CSMD1: variants seen among roughly 807,000 people sequenced by gnomAD.
CSMD1 encodes the protein CUB and Sushi multiple domains 1, also known as CUB and sushi domain-containing protein 1.
CSMD1 carries 213 observed loss-of-function variants against 417.5 expected under a neutral mutation model. The ratio of observed to expected loss-of-function variants is 0.51; its 90% CI spans 0.46 to 0.57. CSMD1 has a LOEUF of 0.57. CSMD1 is among the 20% of genes least tolerant of loss of function. The pLI, the probability that CSMD1 is intolerant of heterozygous loss-of-function variation, is 0.00. For synonymous variants in CSMD1, 2,862 were observed against 1,736.8 expected (o/e 1.65, Z -16.11); for missense variants, 6,923 against 4,529.7 (o/e 1.53, Z -15.17).
At chr8:4,249,987 C>T (rs552847763) in intron 3 of CSMD1, among the ~76,000 whole-genome samples, 88 of 152,066 alleles carry the variant, frequency 5.8e-4, no homozygotes, top group African/African-American at 2.0e-3. Context: ...GGAGCTGGGA[C>T]CTACTGGGAA....
rs144500471 is a variant in CSMD1, at chr8:3,595,842, T to G, written c.1098-9582A>C. Among the ~76,000 whole-genome samples the G allele has an allele frequency of 5.3e-3, 810 of 152,322 alleles. 6 individuals are homozygous for G. The highest frequency in any genetic ancestry group is 9.7e-3 in the South Asian group (47 of 4,826). On this transcript the variant is annotated intron_variant, in intron 8 of 69. Transcript: ENST00000635120. ...CACCTATCTATACAAAGGCAAAAGC[T>G]GTTTGCACACTGTGTGAACGTGGAA...
At chr8:4,072,252 T>A (rs1303302326) in intron 3 of CSMD1, among the ~76,000 whole-genome samples, 1 of 152,200 alleles carries the variant, frequency 6.6e-6, no homozygotes, top group African/African-American at 2.4e-5. Flanking sequence ...TTGAATCCCA[T>A]AGGAGTTTAT....
At chr8:4,935,051 T>C (rs905699621) in intron 1 of CSMD1, among the ~76,000 whole-genome samples, 2 of 152,232 alleles carry the variant, frequency 1.3e-5, no homozygotes, top group African/African-American at 4.8e-5. Context: ...TACACACTTA[T>C]GCAGATAAAC....
chr8:3,993,046 G>C (rs572459249), intron 5 of CSMD1, among the ~76,000 whole-genome samples: 1 of 152,220 alleles, frequency 6.6e-6, no homozygotes, highest in Non-Finnish European at 1.5e-5. Context: ...CCCTGGACCA[G>C]AAAAGACATC....
intron 5 of CSMD1, among the ~76,000 whole-genome samples, chr8:3,856,199 C>T (rs1021062036): frequency 6.6e-6 from 1 of 151,972 alleles, no homozygotes; most frequent in Non-Finnish European, 1.5e-5. Context: ...GTGCTGTTCT[C>T]ATGATAGAGT....
intron 2 of CSMD1, among the ~76,000 whole-genome samples, chr8:4,467,122 T>TAAA (rs35481238): frequency 7.0e-3 from 607 of 86,210 alleles, no homozygotes; most frequent in South Asian, 0.016. Flanking sequence ...TTCTTCAGAG[T>TAAA]AAAAAAAAAA....
Position 4,586,439 on chromosome 8 carries a change from T to G in CSMD1, c.302+50903A>C, listed in dbSNP as rs1053513385. On this transcript the variant is annotated intron_variant, in intron 2 of 69. Coordinates refer to ENST00000635120, the MANE Select transcript of CSMD1 (RefSeq NM_033225.6). Reference sequence around the variant, plus strand: ...TTACAGACTTAACCTGTTAAGCTCATGTTTCAAATTCATAACTGTGATATT... The same window carrying G: ...TTACAGACTTAACCTGTTAAGCTCAGGTTTCAAATTCATAACTGTGATATT... Among the ~76,000 whole-genome samples, 4 of 152,344 alleles carry G rather than the reference T, an allele frequency of 2.6e-5. No homozygotes were observed. In the South Asian group the frequency reaches 8.3e-4, roughly 32 times the overall value.
chr8:4,966,209 CA>C (rs33941630), intron 1 of CSMD1, among the ~76,000 whole-genome samples: 8,163 of 89,034 alleles, frequency 0.092, 724 homozygotes, highest in African/African-American at 0.28. Context: ...ACTAAATATA[CA>C]AAAAAAAAAA....
At chr8:4,846,975 G>T (rs146840742) in intron 1 of CSMD1, among the ~76,000 whole-genome samples, 1 of 151,756 alleles carries the variant, frequency 6.6e-6, no homozygotes, top group South Asian at 2.1e-4. Context: ...TTTTTTTCAA[G>T]ATCCCTTACA....
chr8:4,014,976 A>G (rs547917105), intron 4 of CSMD1, among the ~76,000 whole-genome samples: 1 of 152,336 alleles, frequency 6.6e-6, no homozygotes, highest in South Asian at 2.1e-4. Context: ...TTGGCAGAAA[A>G]TGTAGCACAG....
chr8:3,607,202 G>T (rs899910534), intron 8 of CSMD1, among the ~76,000 whole-genome samples: 3 of 152,122 alleles, frequency 2.0e-5, no homozygotes, highest in African/African-American at 7.2e-5. Flanking sequence ...GCCTAGGCCT[G>T]CACGACGTCA....
chr8:4,488,208 C>T (rs1252758757), intron 2 of CSMD1, among the ~76,000 whole-genome samples: 1 of 152,116 alleles, frequency 6.6e-6, no homozygotes, highest in African/African-American at 2.4e-5. Flanking sequence ...GTTTATAATC[C>T]AACAACTTAA....
chr8:4,624,737 G>A lies in CSMD1; in HGVS notation c.302+12605C>T, dbSNP rs747903002. On this transcript the variant is annotated intron_variant, in intron 2 of 69. Transcript: ENST00000635120. ...TATGATCTGACACCTGCTCTGTTTCGCTGATTCACACTCTCTGCCTGACTC... is the reference window on the plus strand; with the variant it reads ...TATGATCTGACACCTGCTCTGTTTCACTGATTCACACTCTCTGCCTGACTC... Among the ~76,000 whole-genome samples, 14 of 151,998 alleles carry A rather than the reference G, an allele frequency of 9.2e-5. 1 individual carries two copies. The highest frequency in any genetic ancestry group is 3.1e-4 in the African/African-American group (13 of 41,350).
chr8:3,008,439 C>A (rs574647122), intron 52 of CSMD1, among the ~76,000 whole-genome samples: 1 of 152,206 alleles, frequency 6.6e-6, no homozygotes, highest in Admixed American at 6.5e-5. Context: ...CAGGGGCCTC[C>A]GCAAGGCCAG....
At chr8:3,610,815 G>C (rs1020957295) in intron 8 of CSMD1, among the ~76,000 whole-genome samples, 24 of 152,136 alleles carry the variant, frequency 1.6e-4, no homozygotes, top group African/African-American at 5.5e-4. Context: ...AATTTTAGAA[G>C]GTCTGTGAGG....
chr8:3,890,450 T>G (rs933747674), intron 5 of CSMD1, among the ~76,000 whole-genome samples: 4 of 151,734 alleles, frequency 2.6e-5, no homozygotes, highest in Non-Finnish European at 4.4e-5. Context: ...TGGAGGAGAC[T>G]GAGGATTCCA....
intron 51 of CSMD1, among the ~76,000 whole-genome samples, chr8:3,020,373 T>C (rs1444766733): frequency 2.0e-5 from 3 of 152,090 alleles, no homozygotes; most frequent in African/African-American, 4.8e-5. Context: ...AGCCCTTTTG[T>C]TGTTGTTTAT....
Position 3,029,899 on chromosome 8 carries a change from T to G in CSMD1, c.7661-386A>C, listed in dbSNP as rs533942387. Among the ~76,000 whole-genome samples, 5 of 152,182 alleles carry G rather than the reference T, an allele frequency of 3.3e-5. No homozygotes were observed. In the South Asian group the frequency reaches 1.0e-3, roughly 32 times the overall value. Reference sequence around the variant, plus strand: ...TTGGAGGAACTTGGAATAGTAATTGTGTAATTGCAAACCAGCTGGGACACT... The same window carrying G: ...TTGGAGGAACTTGGAATAGTAATTGGGTAATTGCAAACCAGCTGGGACACT... On this transcript the variant is annotated intron_variant, in intron 50 of 69. Coordinates refer to ENST00000635120, the MANE Select transcript of CSMD1 (RefSeq NM_033225.6).
intron 5 of CSMD1, among the ~76,000 whole-genome samples, chr8:3,901,827 T>C (rs1342001128): frequency 6.6e-6 from 1 of 152,222 alleles, no homozygotes; most frequent in South Asian, 2.1e-4. Context: ...GTATTCTTTG[T>C]TTGCATCCTG....
Sources: gnomAD v4.1 joint callset for allele counts (sites outside exome capture counted in the v4.1 genomes callset) on GRCh38, gnomAD v4.1.1 for gene constraint, MANE v1.5 for transcripts, NCBI Gene and HGNC (gene_info 2026-07-23, HGNC 2026-07-21) for gene names.